Variants in ZNF407 observed in about 807,000 individuals in gnomAD.
ZNF407 encodes zinc finger protein 407.
In ZNF407, 17 loss-of-function variants were observed where a neutral mutation model predicts 131.2. The ratio of observed to expected loss-of-function variants is 0.13; its 90% CI spans 0.09 to 0.19. The LOEUF (loss-of-function observed/expected upper bound fraction) is 0.19. Among genes scored for constraint, ZNF407 ranks in the 10% least tolerant of loss-of-function variants. ZNF407 has a pLI of 1.00. For synonymous variants in ZNF407, 1,156 were observed against 1,062.0 expected (o/e 1.09, Z -1.72); for missense variants, 2,681 against 2,830.6 (o/e 0.95, Z 1.20).
chr18:74,776,939 A>G (rs768427521), intron 3 of ZNF407, among the ~76,000 whole-genome samples: 1 of 152,180 alleles, frequency 6.6e-6, no homozygotes, highest in Non-Finnish European at 1.5e-5. Flanking sequence ...TGATCGTCGC[A>G]TTAAGTGGGC....
chr18:74,960,795 G>A (rs765230807), intron 8 of ZNF407, among the ~76,000 whole-genome samples: 3 of 143,914 alleles, frequency 2.1e-5, no homozygotes, highest in African/African-American at 7.8e-5. Context: ...AAGGTCCTGA[G>A]TGAGTGCTTG....
rs185006533 is a variant in ZNF407 at position 74,651,906 on chromosome 18, A to T, written c.4802+10784A>T. ...CTCTGCTGGAGTAGTTAGTCGTTGG[A>T]TTGTTAAATATTCATTGTAACTTCA... On this transcript the variant is annotated intron_variant, in intron 3 of 8. Transcript: ENST00000299687. 3.0e-3 allele frequency among the ~76,000 whole-genome samples: 463 copies of T among 152,274 alleles called. 6 individuals carry two copies. The highest frequency in any genetic ancestry group is 0.01 in the African/African-American group (427 of 41,572).
chr18:74,735,981 ACT>A (rs1968402457), intron 3 of ZNF407, among the ~76,000 whole-genome samples: 1 of 152,124 alleles, frequency 6.6e-6, no homozygotes, highest in Non-Finnish European at 1.5e-5. Context: ...GTATTGGCAA[ACT>A]CTATGTACTC....
chr18:74,741,770 C>T (rs535066885), intron 3 of ZNF407, among the ~76,000 whole-genome samples: 9 of 152,076 alleles, frequency 5.9e-5, no homozygotes, highest in African/African-American at 1.7e-4. Flanking sequence ...GCATGAAAAC[C>T]GCCCCTCAGA....
intron 7 of ZNF407, among the ~76,000 whole-genome samples, chr18:74,906,255 C>T (rs1971593813): frequency 6.6e-6 from 1 of 152,214 alleles, no homozygotes; most frequent in Admixed American, 6.5e-5. Flanking sequence ...CCTCTCCTCT[C>T]TTCCCTGTTT....
intron 8 of ZNF407, among the ~76,000 whole-genome samples, chr18:74,986,874 A>G (rs1972658930): frequency 6.6e-6 from 1 of 152,202 alleles, no homozygotes; most frequent in Non-Finnish European, 1.5e-5. Context: ...TATTTCTAAG[A>G]AAAAGGGGGA....
intron 8 of ZNF407, among the ~76,000 whole-genome samples, chr18:75,023,987 G>A (rs930419706): frequency 7.2e-5 from 11 of 152,088 alleles, no homozygotes; most frequent in South Asian, 4.1e-4. Context: ...GGCAAGTTTC[G>A]ATCTAGAGGC....
At chr18:74,895,830 G>A (rs1178346752) in intron 7 of ZNF407, among the ~76,000 whole-genome samples, 1 of 152,144 alleles carries the variant, frequency 6.6e-6, no homozygotes, top group Non-Finnish European at 1.5e-5. Context: ...AGCCTCCTGA[G>A]TTAGGGCGAC....
chr18:75,052,267 T>C (rs2122267342), intron 8 of ZNF407, among the ~76,000 whole-genome samples: 1 of 152,350 alleles, frequency 6.6e-6, no homozygotes, highest in South Asian at 2.1e-4. Flanking sequence ...ATTAGCCTAT[T>C]ATGCCCCATT....
At chr18:75,012,056 GAT>G in intron 8 of ZNF407, among the ~76,000 whole-genome samples, 2 of 152,162 alleles carry the variant, frequency 1.3e-5, no homozygotes, top group East Asian at 3.9e-4. Context: ...CCTGGTTATT[GAT>G]ATATTTAAAT....
At chr18:74,660,463 T>C (rs974313271) in intron 3 of ZNF407, among the ~76,000 whole-genome samples, 3 of 152,134 alleles carry the variant, frequency 2.0e-5, no homozygotes, top group African/African-American at 7.2e-5. Context: ...CATGTCGTAA[T>C]GTGATAAACT....
At chr18:74,804,443 A>C (rs1970077342) in intron 4 of ZNF407, 1 of 992,658 alleles carries the variant, frequency 1.0e-6, no homozygotes, top group African/African-American at 1.7e-5. Context: ...ACATGACTTC[A>C]GAGAAGTCTT....
chr18:74,852,713 C>T (rs754484532), intron 4 of ZNF407, among the ~76,000 whole-genome samples: 5 of 151,960 alleles, frequency 3.3e-5, no homozygotes, highest in East Asian at 1.9e-4. Context: ...TGCACATTCT[C>T]GTTTTAAATT....
At chr18:74,815,133 CCAAA>C (rs991814978) in intron 4 of ZNF407, among the ~76,000 whole-genome samples, 9 of 151,666 alleles carry the variant, frequency 5.9e-5, no homozygotes, top group Admixed American at 2.0e-4. Flanking sequence ...TTATAACCTA[CCAAA>C]CAAAGAAAAT....
chr18:74,686,430 C>T (rs1002687095), intron 3 of ZNF407, among the ~76,000 whole-genome samples: 1 of 152,158 alleles, frequency 6.6e-6, no homozygotes, highest in African/African-American at 2.4e-5. Context: ...TGAAACTTTC[C>T]ACACTTCTGA....
chr18:74,784,557 T>G (rs1266819164), intron 4 of ZNF407, among the ~76,000 whole-genome samples: 1 of 152,212 alleles, frequency 6.6e-6, no homozygotes, highest in African/African-American at 2.4e-5. Context: ...GATTATACTT[T>G]TTTGTTCCTA....
chr18:74,938,738 A>G (rs115054299), intron 8 of ZNF407, among the ~76,000 whole-genome samples: 168 of 152,372 alleles, frequency 1.1e-3, no homozygotes, highest in African/African-American at 3.7e-3. Context: ...ATGCTGACCC[A>G]TAGACTAAAG....
chr18:74,797,575 A>G (rs1369272245), intron 4 of ZNF407, among the ~76,000 whole-genome samples: 1 of 152,256 alleles, frequency 6.6e-6, no homozygotes, highest in Non-Finnish European at 1.5e-5. Flanking sequence ...GGAGTACAGG[A>G]ATGCACTCTG....
At position 74,635,092 on chromosome 18, in the gene ZNF407, C is replaced by G; in HGVS notation, c.4073C>G (p.Ser1358Cys). Residue 1358 changes from serine (S) to cysteine (C), a missense_variant, in exon 2 of 9, where the codon TCC becomes TGC. Physicochemically the swap from Ser to Cys is moderately radical, Grantham distance 112 (BLOSUM62 -1). Around this residue, in one of 6 missense-constraint regions of ZNF407, gnomAD observed 1,789 missense variants for 1,748.7 expected, o/e 1.02. Transcript: ENST00000299687. This position sits in a 1 kb window ranked among gnomAD's most constrained non-coding sequence, Gnocchi z 4.7. ...ATGTACAGTTTTGGTCGATTTGACT[C>G]CTCCATAATAAGAATAAAGAACCCT... is the stretch of plus-strand genomic sequence containing the variant. ...QAMYSFGRFD[S>C]SIIRIKNPED... is the part of the protein sequence containing the mutation. 6.2e-7 allele frequency: 1 copy of G among 1,613,900 alleles called. No individual in the cohort carries two copies. The highest frequency in any genetic ancestry group is 8.5e-7 in the Non-Finnish European group (1 of 1,179,868).
Sources: allele counts gnomAD v4.1 joint callset (sites outside exome capture counted in the v4.1 genomes callset), GRCh38; gene constraint gnomAD v4.1.1; regional missense constraint gnomAD v4.1.1; non-coding constraint Gnocchi (gnomAD v3.1); transcripts MANE v1.5; gene names NCBI Gene and HGNC (gene_info 2026-07-23, HGNC 2026-07-21).